The following CLDN10 variants were observed in gnomAD, a reference collection of about 807,000 sequenced individuals.
CLDN10 encodes claudin-10.
A neutral mutation model predicts 22.9 loss-of-function variants in CLDN10; 15 were observed. That is an observed-to-expected ratio of 0.65 (90% confidence interval 0.44 to 1.01). CLDN10 has a LOEUF of 1.01. Ranked by LOEUF, CLDN10 falls within the 50% of genes least tolerant of loss-of-function variation. The probability of loss-of-function intolerance (pLI) is 0.00; values close to 1 mark genes in which losing one functional copy is unlikely to be tolerated. For missense variants in CLDN10, 247 were observed against 287.8 expected (o/e 0.86, Z 1.03); for synonymous variants, 114 against 111.4 (o/e 1.02, Z -0.15).
chr13:95,449,985 C>T (rs1054245759), intron 1 of CLDN10, among the ~76,000 whole-genome samples: 34 of 151,862 alleles, frequency 2.2e-4, no homozygotes, highest in Non-Finnish European at 3.7e-4. Flanking sequence ...CCTTGTGATC[C>T]GCCTGCTCGG....
In CLDN10 at chr13:95,515,935, G is replaced by A. The variant is rs111851290; in HGVS notation, c.215-44197G>A. ...CTAAAAATACAAAAATGAGCTGGGCGTGATGGAGCATGCCTGTAATCCCAG... is the reference window on the plus strand; with the variant it reads ...CTAAAAATACAAAAATGAGCTGGGCATGATGGAGCATGCCTGTAATCCCAG... On this transcript the variant is annotated intron_variant, in intron 1 of 4. Transcript: ENST00000376873. Among the ~76,000 whole-genome samples, 1,110 of 152,142 alleles carry A rather than the reference G, an allele frequency of 7.3e-3. 15 individuals carry two copies. The highest frequency in any genetic ancestry group is 0.025 in the African/African-American group (1,057 of 41,490).
At chr13:95,558,724 G>A (rs1349865993) in intron 1 of CLDN10, among the ~76,000 whole-genome samples, 1 of 152,118 alleles carries the variant, frequency 6.6e-6, no homozygotes, top group Non-Finnish European at 1.5e-5. Context: ...CCAGGAATTC[G>A]AGACTAATCT....
At chr13:95,551,426 C>T (rs1663015203), upstream of CLDN10, among the ~76,000 whole-genome samples, 1 of 152,138 alleles carries the variant, frequency 6.6e-6, no homozygotes, top group South Asian at 2.1e-4. Context: ...TGCTGGTCTA[C>T]AGTGATTCTT....
intron 1 of CLDN10, among the ~76,000 whole-genome samples, chr13:95,558,274 C>G (rs1189491079): frequency 6.6e-6 from 1 of 152,184 alleles, no homozygotes; most frequent in East Asian, 1.9e-4. Context: ...TTGCCTCTAC[C>G]TGCTGTCTGG....
chr13:95,441,566 A>C (rs1566645996), intron 1 of CLDN10, among the ~76,000 whole-genome samples: 1 of 152,168 alleles, frequency 6.6e-6, no homozygotes, highest in Non-Finnish European at 1.5e-5. Flanking sequence ...TTATGATGGT[A>C]TCTAAAAAGC....
intron 1 of CLDN10, chr13:95,497,107 G>A (rs955780656): frequency 1.3e-5 from 2 of 148,728 alleles, no homozygotes; most frequent in South Asian, 4.4e-4. Context: ...GGGCAATACG[G>A]GGCCACACAA....
chr13:95,463,285 A>AAATATATATATATATATATAT (rs1491334890), intron 1 of CLDN10, among the ~76,000 whole-genome samples: 9 of 40,096 alleles, frequency 2.2e-4, no homozygotes, highest in African/African-American at 3.8e-4. Context: ...GCAAATGCTT[A>AAATATATATATATATATATAT]ATATATATAT....
At chr13:95,505,749 C>CTTTTTTTTTTTTTTTTTTTTTTTTTT in intron 1 of CLDN10, among the ~76,000 whole-genome samples, 1 of 103,738 alleles carries the variant, frequency 9.6e-6, no homozygotes, top group Non-Finnish European at 1.9e-5. Flanking sequence ...CCTTCCCTTT[C>CTTTTTTTTTTTTTTTTTTTTTTTTTT]TTTTTTTTTT....
rs532550083 is a variant in CLDN10 at position 95,480,161 on chromosome 13, C to T, written c.214+46114C>T. Among the ~76,000 whole-genome samples, 9 of 152,190 alleles carry T rather than the reference C, an allele frequency of 5.9e-5. No individual in the cohort carries two copies. In the South Asian group the frequency reaches 1.2e-3, roughly 21 times the overall value. On this transcript the variant is annotated intron_variant, in intron 1 of 4. Coordinates refer to the CLDN10 transcript ENST00000376873. ...GAACCATCAGATCTTGTGAGACTCA[C>T]GATCACAAAAACAGCATGGGAATGA...
intron 1 of CLDN10, among the ~76,000 whole-genome samples, chr13:95,456,491 T>G (rs753107882): frequency 2.6e-5 from 4 of 152,088 alleles, no homozygotes; most frequent in Non-Finnish European, 4.4e-5. Flanking sequence ...GGTGACTCAC[T>G]CTTGTAATCT....
intron 1 of CLDN10, among the ~76,000 whole-genome samples, chr13:95,495,841 C>T (rs898935956): frequency 4.0e-5 from 6 of 151,700 alleles, no homozygotes; most frequent in Non-Finnish European, 8.8e-5. Flanking sequence ...GTAAATATGA[C>T]GCTTTTCAGC....
intron 3 of CLDN10, among the ~76,000 whole-genome samples, chr13:95,573,493 A>C (rs2043887303): frequency 6.6e-6 from 1 of 152,224 alleles, no homozygotes; most frequent in South Asian, 2.1e-4. Context: ...GAGAATCTGA[A>C]ATTTGGATAA....
intron 1 of CLDN10, among the ~76,000 whole-genome samples, chr13:95,526,327 G>A (rs1178653065): frequency 6.6e-6 from 1 of 152,076 alleles, no homozygotes; most frequent in African/African-American, 2.4e-5. Flanking sequence ...CTGCCAGTCA[G>A]TTCTTCAGCA....
At chr13:95,512,106 C>A (rs1244588908) in intron 1 of CLDN10, among the ~76,000 whole-genome samples, 4 of 108,132 alleles carry the variant, frequency 3.7e-5, no homozygotes, top group Non-Finnish European at 7.8e-5. Flanking sequence ...TCATCTCAGA[C>A]AAAGATCGTC....
intron 1 of CLDN10, among the ~76,000 whole-genome samples, chr13:95,473,804 C>T (rs79471373): frequency 0.029 from 4,459 of 152,304 alleles, 108 homozygotes; most frequent in Middle Eastern, 0.068. Flanking sequence ...ACTCATTTCA[C>T]AGAAAACCTT....
At position 95,500,288 on chromosome 13, in the gene CLDN10, C is replaced by T. The variant is rs902267842; in HGVS notation, c.215-59844C>T. On this transcript the variant is annotated intron_variant, in intron 1 of 4. Transcript: ENST00000376873. ...AACAGCATGTTGCATGCGAGTGAGG[C>T]GGGGTCTAAATAAGAATGGGAAGTT... is the stretch of plus-strand genomic sequence containing the variant. Among the ~76,000 whole-genome samples, 6 of 152,114 alleles carry T rather than the reference C, an allele frequency of 3.9e-5. No homozygotes were observed. The South Asian group carries it at 1.2e-3, about 32-fold the overall frequency.
intron 1 of CLDN10, among the ~76,000 whole-genome samples, chr13:95,512,424 T>C (rs971017822): frequency 6.6e-6 from 1 of 152,128 alleles, no homozygotes; most frequent in African/African-American, 2.4e-5. Context: ...GTTTGTTTGT[T>C]TTGGGTTTGT....
At chr13:95,555,006 A>G (rs2043615007) in intron 1 of CLDN10, among the ~76,000 whole-genome samples, 1 of 150,890 alleles carries the variant, frequency 6.6e-6, no homozygotes. Flanking sequence ...GTGTATGAGA[A>G]TACCTGCTTC....
chr13:95,436,530 AT>A (rs1163141813), intron 1 of CLDN10, among the ~76,000 whole-genome samples: 1 of 152,118 alleles, frequency 6.6e-6, no homozygotes, highest in African/African-American at 2.4e-5. Flanking sequence ...TGTAAAAATA[AT>A]TTATTCTATC....
Sources: gnomAD v4.1 joint callset for allele counts (sites outside exome capture counted in the v4.1 genomes callset) on GRCh38, gnomAD v4.1.1 for gene constraint, MANE v1.5 for transcripts, NCBI Gene and HGNC (gene_info 2026-07-23, HGNC 2026-07-21) for gene names.